Variants in NR5A1 observed in about 807,000 individuals in gnomAD.
NR5A1 encodes the protein nuclear receptor subfamily 5 group A member 1, also known as steroidogenic factor 1.
NR5A1 carries 6 observed loss-of-function variants against 42.7 expected under a neutral mutation model. That is an observed-to-expected ratio of 0.14 (90% confidence interval 0.08 to 0.28). NR5A1 has a LOEUF of 0.28. Among genes scored for constraint, NR5A1 ranks in the 10% least tolerant of loss-of-function variants. NR5A1 has a pLI of 1.00. For synonymous variants in NR5A1, 274 were observed against 277.5 expected (o/e 0.99, Z 0.12); for missense variants, 442 against 626.4 (o/e 0.71, Z 3.14).
At chr9:124,491,036 C>CCCCCCCCCCCGGGG in intron 6 of NR5A1, 45 bp downstream of exon 6, 2 of 1,401,600 alleles carry the variant, frequency 1.4e-6, no homozygotes, top group Non-Finnish European at 1.9e-6. Flanking sequence ...CCCACCCACC[C>CCCCCCCCCCCGGGG]GCCTCTGGCT....
rs1324723846 is a variant in NR5A1 at position 124,482,956 on chromosome 9, C to G, written c.1188G>C (p.Lys396Asn). The part of the protein sequence containing the change: ...NHILVKDAQE[K>N]ANAALLDYTL... The stretch of plus-strand genomic sequence containing the variant: ...TGTAGTCAAGCAGGGCGGCGTTGGC[C>G]TTCTCCTGAGCGTCTTTCACCAGGA... The change falls in exon 7 of 7, where the codon AAG becomes AAC. Residue 396 changes from lysine to asparagine, a missense_variant. Physicochemically the swap from Lys to Asn is moderately conservative, Grantham distance 94 (BLOSUM62 0). This residue lies in a region of NR5A1 where 163 missense variants were observed against 265.8 expected (regional missense o/e 0.61). Transcript: ENST00000373588. 6.2e-7 allele frequency: 1 copy of G among 1,614,122 alleles called. No homozygotes were observed.
At chr9:124,505,330 G>C (rs753729836) in intron 1 of NR5A1, among the ~76,000 whole-genome samples, 64 of 152,226 alleles carry the variant, frequency 4.2e-4, no homozygotes, top group Non-Finnish European at 7.5e-4. Flanking sequence ...GCACTACAGC[G>C]TGGAAGTGGG....
chr9:124,503,164 C>G lies in NR5A1; in HGVS notation c.159G>C (p.Gln53His), dbSNP rs767689890. ...GCTGCGTCTTGTCGATCTTGCAGCT[C>G]TGGCTCTCGGTGCACGTGTAGTGCT... ...NNKHYTCTES[Q>H]SCKIDKTQRK... Residue 53 changes from glutamine (Q) to histidine (H), a missense_variant, in exon 3 of 7, where the codon CAG becomes CAC. This residue lies in a region of NR5A1 where 71 missense variants were observed against 156.8 expected (regional missense o/e 0.45). Transcript: ENST00000373588. This position sits in a 1 kb window ranked among gnomAD's most constrained non-coding sequence, Gnocchi z 9.6. 1.2e-6 allele frequency: 2 copies of G among 1,600,768 alleles called. No individual in the cohort carries two copies. The highest frequency in any genetic ancestry group is 2.7e-5 in the African/African-American group (2 of 74,670).
At position 124,482,729 on chromosome 9, in the gene NR5A1, C is replaced by T; in HGVS notation, c.*29G>A. ...CCAGGCCCCGCCCCCAGTCCCGCCC[C>T]CAGTCCCGGCCCCGCCCCCGGCCCA... On this transcript the variant is annotated 3_prime_UTR_variant, in exon 7 of 7. Transcript: ENST00000373588. The T allele has an allele frequency of 6.8e-7, 1 of 1,471,750 alleles. No individual in the cohort carries two copies. Among genetic ancestry groups the T allele is most frequent in the Non-Finnish European group, 9.1e-7 (1 of 1,093,916 alleles). 91.2% of individuals were successfully genotyped at this position (1,471,750 alleles called of 1,614,324 possible). A position where few individuals can be genotyped will look rare whatever the true frequency, so the allele number is the denominator to read the frequency against.
rs779690510 is a variant in NR5A1, at chr9:124,503,231, T to C, written c.103-11A>G. ...GCGCTTGAAGAAGCCCTGCGGGAGC[T>C]GAGAGTCAGCGAGGCCCCGCAGCGC... On this transcript the variant is annotated splice_polypyrimidine_tract_variant and intron_variant, in intron 2 of 6. Transcript: ENST00000373588. This position sits in a 1 kb window ranked among gnomAD's most constrained non-coding sequence, Gnocchi z 9.6. 3.7e-6 allele frequency: 6 copies of C among 1,604,070 alleles called. No homozygotes were observed. The highest frequency in any genetic ancestry group is 5.1e-6 in the Non-Finnish European group (6 of 1,176,064).
chr9:124,500,869 T>C lies in NR5A1; in HGVS notation c.245-154A>G, dbSNP rs1035209989. Reference sequence around the variant, plus strand: ...GACCACAGGGGAAGTCAGTCTCCTTTGCCTGGCATTCAAGGCCCTGCTCAG... The same window carrying C: ...GACCACAGGGGAAGTCAGTCTCCTTCGCCTGGCATTCAAGGCCCTGCTCAG... On this transcript the variant is annotated intron_variant, in intron 3 of 6. Transcript: ENST00000373588. The surrounding 1 kb of genome is among the most constrained non-coding windows in gnomAD (Gnocchi z 6.9). The C allele has an allele frequency of 8.1e-7, 1 of 1,233,470 alleles. No homozygotes were observed. Among genetic ancestry groups the C allele is most frequent in the Non-Finnish European group, 1.2e-6 (1 of 854,168 alleles). 76.4% of individuals were successfully genotyped at this position (1,233,470 alleles called of 1,614,324 possible). A position where few individuals can be genotyped will look rare whatever the true frequency, so the allele number is the denominator to read the frequency against.
At chr9:124,505,319 C>T (rs867059446) in intron 1 of NR5A1, among the ~76,000 whole-genome samples, 7 of 152,316 alleles carry the variant, frequency 4.6e-5, no homozygotes, top group Admixed American at 1.3e-4. Context: ...GGTGGCTGGT[C>T]GCACTACAGC....
chr9:124,503,125 G>A lies in NR5A1; in HGVS notation c.198C>T (p.Pro66=), dbSNP rs1277142139. 6.3e-7 allele frequency: 1 copy of A among 1,596,154 alleles called. No individual in the cohort carries two copies. Among genetic ancestry groups the A allele is most frequent in the South Asian group, 1.1e-5 (1 of 88,320 alleles). ...KIDKTQRKRC[P]FCRFQKCLTV... The stretch of plus-strand genomic sequence containing the variant: ...TCAGGCATTTCTGGAAGCGGCAGAA[G>A]GGACAGCGCTTGCGCTGCGTCTTGT... Residue 66 remains proline, a synonymous_variant, in exon 3 of 7, where the codon CCC becomes CCT. Coordinates refer to ENST00000373588, the MANE Select transcript of NR5A1 (RefSeq NM_004959.5). The surrounding 1 kb of genome is among the most constrained non-coding windows in gnomAD (Gnocchi z 9.6).
At position 124,503,072 on chromosome 9, in the gene NR5A1, C is replaced by G; in HGVS notation, c.244+7G>C. ...GGGTCAGGGGTCGAGGCCCGCGCGG[C>G]GCGCACCTTCCAGGCGCATCCCCAC... On this transcript the variant is annotated splice_region_variant and intron_variant, in intron 3 of 6. Coordinates refer to ENST00000373588, the MANE Select transcript of NR5A1 (RefSeq NM_004959.5). This position sits in a 1 kb window ranked among gnomAD's most constrained non-coding sequence, Gnocchi z 9.6. The G allele has an allele frequency of 1.3e-6, 2 of 1,568,228 alleles. No homozygotes were observed. The highest frequency in any genetic ancestry group is 1.7e-6 in the Non-Finnish European group (2 of 1,160,520).
chr9:124,501,431 G>A lies in NR5A1; in HGVS notation c.245-716C>T, dbSNP rs539502958. ...TCTCTTGCCGACTAGAAGCTCCTCC[G>A]CCTGGCGAGGAATGTGTCATCAGCC... On this transcript the variant is annotated intron_variant, in intron 3 of 6. Transcript: ENST00000373588. This position sits in a 1 kb window ranked among gnomAD's most constrained non-coding sequence, Gnocchi z 4.1. 1.3e-5 allele frequency among the ~76,000 whole-genome samples: 2 copies of A among 152,338 alleles called. No homozygotes were observed. Among genetic ancestry groups the A allele is most frequent in the East Asian group, 1.9e-4 (1 of 5,188 alleles).
At position 124,491,213 on chromosome 9, in the gene NR5A1, C is replaced by T. The variant is rs868545714; in HGVS notation, c.1006G>A (p.Val336Met). 3 of 1,605,058 alleles carry T rather than the reference C, an allele frequency of 1.9e-6. No individual in the cohort carries two copies. In the Middle Eastern group the frequency reaches 5.8e-4, roughly 309 times the overall value. ...VTGQEVELTT[V>M]ATQAGSLLHS... ...AGCAGCGAGCCCGCCTGGGTGGCCA[C>T]TGTGGTCAGCTCCACCTGGGGGCAG... The change falls in exon 6 of 7, where the codon GTG (valine) becomes ATG (methionine). Residue 336 changes from valine to methionine, a missense_variant. Val to Met is a conservative substitution (Grantham distance 21, BLOSUM62 1). Transcript: ENST00000373588.
chr9:124,489,981 C>T (rs1453407480), intron 6 of NR5A1, among the ~76,000 whole-genome samples: 1 of 152,140 alleles, frequency 6.6e-6, no homozygotes, highest in Non-Finnish European at 1.5e-5. Context: ...CACAACACTC[C>T]CCACTCCCCA....
At chr9:124,486,820 A>G (rs1832217747) in intron 6 of NR5A1, among the ~76,000 whole-genome samples, 1 of 152,224 alleles carries the variant, frequency 6.6e-6, no homozygotes, top group Non-Finnish European at 1.5e-5. Context: ...GCGGGGTCAA[A>G]CAAACCTGGA....
At chr9:124,491,025 TCCCACCCA>T in intron 6 of NR5A1, 48 bp downstream of exon 6, 2 of 340,700 alleles carry the variant, frequency 5.9e-6, no homozygotes, top group Non-Finnish European at 1.0e-5. Context: ...TCACCCACCC[TCCCACCCA>T]CCCGCCTCTG....
chr9:124,492,728 T>C (rs1456148350), intron 5 of NR5A1, among the ~76,000 whole-genome samples: 1 of 151,964 alleles, frequency 6.6e-6, no homozygotes, highest in Non-Finnish European at 1.5e-5. Context: ...AGTGTGTTAT[T>C]TCCAGACCCA....
chr9:124,504,507 G>C (rs1193976105), intron 1 of NR5A1, among the ~76,000 whole-genome samples: 1 of 152,062 alleles, frequency 6.6e-6, no homozygotes, highest in Non-Finnish European at 1.5e-5. Context: ...CGCTGCCACC[G>C]GGACGTCGGG....
At chr9:124,487,374 G>A (rs1034196591) in intron 6 of NR5A1, among the ~76,000 whole-genome samples, 4 of 152,254 alleles carry the variant, frequency 2.6e-5, no homozygotes, top group Non-Finnish European at 5.9e-5. Context: ...AACGCTTAAG[G>A]GAATGCTGCT....
chr9:124,483,451 C>T (rs1389577891), intron 6 of NR5A1, among the ~76,000 whole-genome samples: 1 of 152,230 alleles, frequency 6.6e-6, no homozygotes, highest in Non-Finnish European at 1.5e-5. Context: ...ACTTCACAAC[C>T]TTGTCCTGAG....
At position 124,500,066 on chromosome 9, in the gene NR5A1, A is replaced by G. The variant is rs1461522909; in HGVS notation, c.870+24T>C. On this transcript the variant is annotated intron_variant, in intron 4 of 6. Coordinates refer to ENST00000373588, the MANE Select transcript of NR5A1 (RefSeq NM_004959.5). The surrounding 1 kb of genome is among the most constrained non-coding windows in gnomAD (Gnocchi z 6.9). ...GCCGGGAGGACCATGATGCAGGGCC[A>G]GCCGGGCGGGAGGAGAGACTCACCT... 3.1e-6 allele frequency: 5 copies of G among 1,613,070 alleles called. No homozygotes were observed. Among genetic ancestry groups the G allele is most frequent in the Non-Finnish European group, 4.2e-6 (5 of 1,180,024 alleles).
Sources: gnomAD v4.1 joint callset for allele counts (sites outside exome capture counted in the v4.1 genomes callset) on GRCh38, gnomAD v4.1.1 for gene constraint, gnomAD v4.1.1 regional missense constraint, Gnocchi (gnomAD v3.1) non-coding constraint, MANE v1.5 for transcripts, NCBI Gene and HGNC (gene_info 2026-07-23, HGNC 2026-07-21) for gene names.